Variants in STK32B observed in about 807,000 individuals in gnomAD.
STK32B encodes serine/threonine-protein kinase 32B.
Under a neutral mutation model 52.6 loss-of-function variants are expected in STK32B, and 43 were observed. That is an observed-to-expected ratio of 0.82 (90% CI 0.64 to 1.05). The LOEUF (loss-of-function observed/expected upper bound fraction) is 1.05, where lower values mean the gene tolerates loss of function less well. STK32B is among the 50% of genes least tolerant of loss of function. The pLI is 0.00. For synonymous variants in STK32B, 238 were observed against 204.3 expected (o/e 1.17, Z -1.41); for missense variants, 621 against 534.6 (o/e 1.16, Z -1.59).
chr4:5,249,905 C>G (rs1725791863), intron 3 of STK32B, among the ~76,000 whole-genome samples: 1 of 152,174 alleles, frequency 6.6e-6, no homozygotes, highest in Admixed American at 6.5e-5. Flanking sequence ...TTGATCCTCA[C>G]TCTCCTCCCA....
At chr4:5,158,057 A>G (rs1718008745) in intron 2 of STK32B, among the ~76,000 whole-genome samples, 1 of 152,160 alleles carries the variant, frequency 6.6e-6, no homozygotes, top group African/African-American at 2.4e-5. Context: ...GGATCACTTT[A>G]TTAGGAGCTA....
At chr4:5,066,306 C>G (rs1560134124) in intron 1 of STK32B, among the ~76,000 whole-genome samples, 1 of 152,140 alleles carries the variant, frequency 6.6e-6, no homozygotes, top group Non-Finnish European at 1.5e-5. Flanking sequence ...CACAAATCTG[C>G]CTGTCTTTCC....
intron 4 of STK32B, among the ~76,000 whole-genome samples, chr4:5,335,143 C>T (rs1038346693): frequency 2.6e-5 from 4 of 152,124 alleles, no homozygotes; most frequent in African/African-American, 7.2e-5. Flanking sequence ...TGATTATTGC[C>T]ACAATTTCAG....
At chr4:5,416,795 C>T (rs1195874122) in intron 5 of STK32B, 50 bp from the exon 6 acceptor site, 20 of 1,552,204 alleles carry the variant, frequency 1.3e-5, no homozygotes, top group Admixed American at 1.8e-5. Context: ...TTAAATAACC[C>T]AGCTGCCTGC....
In STK32B at chr4:5,416,889, G is replaced by C. The variant is rs1164246090; in HGVS notation, c.517G>C (p.Gly173Arg). The change falls in exon 6 of 12, where the codon GGA becomes CGA. Residue 173 changes from glycine (G) to arginine (R), a missense_variant. Transcript: ENST00000282908. ...CTTCAACATAGCGACGGTAGTGAAA[G>C]GAGCAGAAAGGGCTTCCTCCATGGC... Reference protein sequence around the residue: ...TDFNIATVVKGAERASSMAGT... With the variant: ...TDFNIATVVKRAERASSMAGT... 6.2e-7 allele frequency: 1 copy of C among 1,613,932 alleles called. No individual in the cohort carries two copies. Among genetic ancestry groups the C allele is most frequent in the South Asian group, 1.1e-5 (1 of 90,970 alleles).
intron 3 of STK32B, among the ~76,000 whole-genome samples, chr4:5,175,266 G>C (rs1169721212): frequency 1.3e-5 from 2 of 151,972 alleles, no homozygotes; most frequent in East Asian, 3.9e-4. Context: ...CTTCAGCTCG[G>C]AGTAGTTTGA....
At chr4:5,122,391 C>T (rs111215680) in intron 1 of STK32B, among the ~76,000 whole-genome samples, 4,369 of 142,104 alleles carry the variant, frequency 0.031, 99 homozygotes, top group Middle Eastern at 0.067. Context: ...TTCACTCACT[C>T]ATTCATTCAC....
chr4:5,033,774 G>A, the STK32B span, among the ~76,000 whole-genome samples: 2 of 152,300 alleles, frequency 1.3e-5, no homozygotes, highest in South Asian at 2.1e-4. Flanking sequence ...AAACGCTGAG[G>A]CTGGAAGAGG....
chr4:5,318,228 A>G (rs1731246487), intron 3 of STK32B, among the ~76,000 whole-genome samples: 1 of 152,290 alleles, frequency 6.6e-6, no homozygotes, highest in East Asian at 1.9e-4. Flanking sequence ...GATAAATGTT[A>G]TGAAGAGAGG....
chr4:5,495,959 G>T (rs1308457623), intron 11 of STK32B, among the ~76,000 whole-genome samples: 1 of 152,082 alleles, frequency 6.6e-6, no homozygotes, highest in East Asian at 1.9e-4. Flanking sequence ...TGGAGTACCC[G>T]GCCGTGTGAT....
intron 1 of STK32B, among the ~76,000 whole-genome samples, chr4:5,099,454 G>GCGTGCGCTCGCA (rs1553823531): frequency 2.3e-5 from 3 of 129,744 alleles, no homozygotes; most frequent in African/African-American, 7.7e-5. Flanking sequence ...GTGTGTGCGC[G>GCGTGCGCTCGCA]CGCGCGTATG....
At chr4:5,122,418 T>G (rs1317793346) in intron 1 of STK32B, among the ~76,000 whole-genome samples, 1 of 152,154 alleles carries the variant, frequency 6.6e-6, no homozygotes, top group African/African-American at 2.4e-5. Context: ...ACTCATTCAT[T>G]CACTCATTAA....
At chr4:5,426,316 T>C (rs1713086794) in intron 6 of STK32B, among the ~76,000 whole-genome samples, 1 of 152,188 alleles carries the variant, frequency 6.6e-6, no homozygotes, top group Admixed American at 6.5e-5. Context: ...AAATCCCTGG[T>C]AACTAATGGT....
At chr4:5,160,732 C>G (rs1267252609) in intron 2 of STK32B, among the ~76,000 whole-genome samples, 1 of 152,228 alleles carries the variant, frequency 6.6e-6, no homozygotes, top group East Asian at 1.9e-4. Context: ...AGAAAAATCC[C>G]TGTTGTCATG....
chr4:5,250,217 T>A (rs1320904514), intron 3 of STK32B, among the ~76,000 whole-genome samples: 1 of 152,134 alleles, frequency 6.6e-6, no homozygotes, highest in Admixed American at 6.6e-5. Flanking sequence ...GCAGTGAACA[T>A]GCATGTGCCT....
At chr4:5,223,640 T>C (rs1274618855) in intron 3 of STK32B, among the ~76,000 whole-genome samples, 8 of 151,858 alleles carry the variant, frequency 5.3e-5, no homozygotes, top group African/African-American at 7.2e-5. Context: ...GGTGAAACCC[T>C]GTCTCTACCA....
chr4:5,206,793 C>T (rs957899686), intron 3 of STK32B, among the ~76,000 whole-genome samples: 1 of 152,126 alleles, frequency 6.6e-6, no homozygotes, highest in Admixed American at 6.5e-5. Context: ...AGGAGCCTGC[C>T]CCGGGGTCTG....
At chr4:5,187,679 T>A (rs1217092898) in intron 3 of STK32B, among the ~76,000 whole-genome samples, 2 of 152,152 alleles carry the variant, frequency 1.3e-5, no homozygotes, top group African/African-American at 4.8e-5. Context: ...TTTCTCATAA[T>A]GGTTGATTTC....
chr4:5,376,823 G>A (rs1360062563), intron 4 of STK32B, among the ~76,000 whole-genome samples: 1 of 152,086 alleles, frequency 6.6e-6, no homozygotes, highest in Non-Finnish European at 1.5e-5. Context: ...AGCCTCCTGG[G>A]CCAGTTCTCC....
Sources: gnomAD v4.1 joint callset for allele counts (sites outside exome capture counted in the v4.1 genomes callset) on GRCh38, gnomAD v4.1.1 for gene constraint, MANE v1.5 for transcripts, NCBI Gene and HGNC (gene_info 2026-07-23, HGNC 2026-07-21) for gene names.